Variants in CLDN2 observed in about 807,000 individuals in gnomAD.
CLDN2 encodes claudin 2.
A neutral mutation model predicts 8.2 loss-of-function variants in CLDN2; 1 was observed. The observed-to-expected ratio is 0.12, with a 90% CI of 0.04 to 0.58. The LOEUF (loss-of-function observed/expected upper bound fraction) is 0.58. CLDN2 is among the 20% of genes least tolerant of loss of function. The pLI is 0.90. For missense variants in CLDN2, 108 were observed against 172.9 expected (o/e 0.62, Z 2.11); for synonymous variants, 70 against 70.2 (o/e 1.00, Z 0.01).
At chrX:106,924,594 C>T (rs746558905) in intron 1 of CLDN2, among the ~76,000 whole-genome samples, 1 of 110,357 alleles carries the variant, frequency 9.1e-6, no homozygotes, top group South Asian at 3.9e-4. Context: ...GCTGATGAAT[C>T]GTATTGACTA....
At position 106,928,939 on chromosome X, in the gene CLDN2, C is replaced by T; in HGVS notation, c.*18C>T. On this transcript the variant is annotated 3_prime_UTR_variant, in exon 2 of 2. Transcript: ENST00000336803. ...ATGTGTGAAGAACCAGGGGCCAGAG[C>T]TGGGGGGTGGCTGGGTCTGTGAAAA... 1 of 1,185,237 alleles carries T rather than the reference C, an allele frequency of 8.4e-7. No homozygotes were observed. The highest frequency in any genetic ancestry group is 1.1e-6 in the Non-Finnish European group (1 of 874,908).
chrX:106,903,075 C>T, intron 1 of CLDN2: 1 of 1,179,917 alleles, frequency 8.5e-7, no homozygotes, highest in Non-Finnish European at 1.2e-6. Flanking sequence ...ATTTTCCTTC[C>T]TCTCTCAGGA....
At chrX:106,905,368 T>C (rs1285668070) in intron 1 of CLDN2, among the ~76,000 whole-genome samples, 1 of 112,111 alleles carries the variant, frequency 8.9e-6, no homozygotes, top group African/African-American at 3.2e-5. Flanking sequence ...TTGAGAGAGC[T>C]CTCTGTCCCT....
At chrX:106,908,395 G>A (rs1406443795) in intron 1 of CLDN2, among the ~76,000 whole-genome samples, 3 of 110,833 alleles carry the variant, frequency 2.7e-5, no homozygotes, top group East Asian at 5.7e-4. Context: ...CCTGCTCTCC[G>A]GTCTTCTGCC....
intron 1 of CLDN2, among the ~76,000 whole-genome samples, chrX:106,912,641 C>A (rs757458465): frequency 9.1e-6 from 1 of 110,224 alleles, no homozygotes; most frequent in East Asian, 2.9e-4. Flanking sequence ...GTCTCAAACT[C>A]CTGGGCTCAA....
At chrX:106,900,847 G>A in intron 1 of CLDN2, 1 of 1,211,583 alleles carries the variant, frequency 8.3e-7, no homozygotes. Context: ...GGAAAGTTCT[G>A]CAGTAAAATC....
chrX:106,926,706 TAC>T (rs750352417), intron 1 of CLDN2, among the ~76,000 whole-genome samples: 4 of 100,974 alleles, frequency 4.0e-5, no homozygotes, highest in Admixed American at 1.1e-4. Flanking sequence ...CTACAAAAAA[TAC>T]ACACACACAC....
chrX:106,920,113 G>C (rs1341126182), upstream of CLDN2, among the ~76,000 whole-genome samples: 1 of 111,143 alleles, frequency 9.0e-6, no homozygotes, highest in Non-Finnish European at 1.9e-5. Flanking sequence ...CTGCTAGCCA[G>C]GGACACCTAA....
chrX:106,921,749 A>G (rs1371567092), intron 1 of CLDN2, among the ~76,000 whole-genome samples: 1 of 112,228 alleles, frequency 8.9e-6, no homozygotes, highest in East Asian at 2.8e-4. Context: ...CAATCTCCCC[A>G]CTAGGGAAGA....
chrX:106,916,072 GA>G (rs760818668), upstream of CLDN2, among the ~76,000 whole-genome samples: 2,156 of 77,131 alleles, frequency 0.028, 18 homozygotes, highest in Non-Finnish European at 0.03. Context: ...GTTGAATTAA[GA>G]AAAAAAAAAA....
chrX:106,916,331 A>T (rs958155787), upstream of CLDN2, among the ~76,000 whole-genome samples: 1 of 111,230 alleles, frequency 9.0e-6, no homozygotes, highest in Non-Finnish European at 1.9e-5. Context: ...CAGAAGGAAC[A>T]GGACTTGTAA....
intron 1 of CLDN2, among the ~76,000 whole-genome samples, chrX:106,907,649 C>T (rs148005251): frequency 0.019 from 2,002 of 108,133 alleles, 48 homozygotes; most frequent in African/African-American, 0.064. Context: ...TGCAGTGAGC[C>T]GAGATTGTGC....
At chrX:106,909,136 G>C (rs1933216596) in intron 1 of CLDN2, among the ~76,000 whole-genome samples, 1 of 112,160 alleles carries the variant, frequency 8.9e-6, no homozygotes. Flanking sequence ...TGGATAATAA[G>C]AGTAGAGAAC....
chrX:106,928,656 T>G lies in CLDN2; in HGVS notation c.428T>G (p.Ile143Ser). ...FIPVAWNLHG[I>S]LRDFYSPLVP... is the part of the protein sequence containing the mutation. The stretch of plus-strand genomic sequence containing the variant: ...CCTGTTGCCTGGAATCTTCATGGGA[T>G]CCTACGGGACTTCTACTCACCACTG... The change falls in exon 2 of 2, where the codon ATC becomes AGC. Residue 143 changes from isoleucine (I) to serine (S), a missense_variant. Around this residue, in one of 2 missense-constraint regions of CLDN2, gnomAD observed 81 missense variants for 100.8 expected, o/e 0.80. Coordinates refer to ENST00000336803, the MANE Select transcript of CLDN2 (RefSeq NM_020384.4). 8.3e-7 allele frequency: 1 copy of G among 1,211,832 alleles called. No individual in the cohort carries two copies.
At chrX:106,919,284 G>A (rs955398416), upstream of CLDN2, among the ~76,000 whole-genome samples, 1 of 111,080 alleles carries the variant, frequency 9.0e-6, no homozygotes. Flanking sequence ...GGCATTATGA[G>A]GACCTCTATT....
At chrX:106,907,549 A>G (rs994060224) in intron 1 of CLDN2, among the ~76,000 whole-genome samples, 5 of 109,861 alleles carry the variant, frequency 4.6e-5, no homozygotes, top group Admixed American at 2.9e-4. Flanking sequence ...AAAAATACAA[A>G]CATTAGCCAG....
At chrX:106,908,588 TG>T (rs1239442105) in intron 1 of CLDN2, among the ~76,000 whole-genome samples, 10 of 105,965 alleles carry the variant, frequency 9.4e-5, no homozygotes, top group African/African-American at 2.8e-4. Context: ...TTTTTGTTGT[TG>T]TTTTTTTTGT....
In CLDN2 at chrX:106,928,040, A is replaced by ATT. The variant is rs202232558; in HGVS notation, c.-178-4_-178-3dup. 1 of 376,059 alleles carries ATT rather than the reference A, an allele frequency of 2.7e-6. No individual in the cohort carries two copies. The highest frequency in any genetic ancestry group is 4.6e-6 in the Non-Finnish European group (1 of 217,734). The allele number at this position is 376,059 out of a possible 1,213,427, so 31.0% of individuals were successfully genotyped here. On this transcript the variant is annotated splice_polypyrimidine_tract_variant and intron_variant, in intron 1 of 1. Transcript: ENST00000336803. ...GGTCAATATTTAATCTGGTTTATGG[A>ATT]TTTTTTTTAGGTCTTCTAGATGCCT...
intron 1 of CLDN2, among the ~76,000 whole-genome samples, chrX:106,910,770 C>T (rs1356903685): frequency 1.8e-5 from 2 of 110,458 alleles, no homozygotes; most frequent in African/African-American, 6.6e-5. Context: ...AGAGATTAAG[C>T]AATTTACCCA....
Sources: gnomAD v4.1 joint callset for allele counts (sites outside exome capture counted in the v4.1 genomes callset) on GRCh38, gnomAD v4.1.1 for gene constraint, gnomAD v4.1.1 regional missense constraint, MANE v1.5 for transcripts, NCBI Gene and HGNC (gene_info 2026-07-23, HGNC 2026-07-21) for gene names.